The following TBC1D12 variants were observed in gnomAD, a reference collection of about 807,000 sequenced individuals.
TBC1D12 encodes TBC1 domain family, member 12.
Under a neutral mutation model 86.7 loss-of-function variants are expected in TBC1D12, and 56 were observed. The ratio of observed to expected loss-of-function variants is 0.65; its 90% confidence interval spans 0.52 to 0.81. The LOEUF (loss-of-function observed/expected upper bound fraction) is 0.81, where lower values mean the gene tolerates loss of function less well. TBC1D12 is among the 30% of genes least tolerant of loss of function. The pLI, the probability that TBC1D12 is intolerant of heterozygous loss-of-function variation, is 0.00. For synonymous variants in TBC1D12, 421 were observed against 411.7 expected (o/e 1.02, Z -0.27); for missense variants, 1,023 against 1,038.8 (o/e 0.98, Z 0.21).
chr10:94,429,382 T>TA (rs1473675552), intron 1 of TBC1D12, among the ~76,000 whole-genome samples: 6 of 152,174 alleles, frequency 3.9e-5, no homozygotes, highest in Non-Finnish European at 4.4e-5. Context: ...AAGCCTAAGT[T>TA]ATCTGGCAAA....
Position 94,444,824 on chromosome 10 carries a change from C to T in TBC1D12, c.1095+2805C>T, listed in dbSNP as rs530276023. On this transcript the variant is annotated intron_variant, in intron 2 of 12. Coordinates refer to ENST00000225235, the MANE Select transcript of TBC1D12 (RefSeq NM_015188.2). ...TCGGCTCACTGCAATCTCCGCCACC[C>T]GAGTTCACGCCGTTCTCCTGCCTCA... Among the ~76,000 whole-genome samples, 6 of 151,194 alleles carry T rather than the reference C, an allele frequency of 4.0e-5. No individual in the cohort carries two copies. In the South Asian group the frequency reaches 8.4e-4, roughly 21 times the overall value.
rs1460573697 is a variant in TBC1D12, at chr10:94,442,001, A to T, written c.1077A>T (p.Thr359=). The T allele has an allele frequency of 1.2e-6, 2 of 1,612,738 alleles. No homozygotes were observed. The highest frequency in any genetic ancestry group is 1.7e-6 in the Non-Finnish European group (2 of 1,179,524). The change falls in exon 2 of 13, where the codon ACA becomes ACT. Residue 359 remains threonine, a synonymous_variant. Transcript: ENST00000225235. The stretch of plus-strand genomic sequence containing the variant: ...CTCCTAGAGAGAATCTTCAGAAAAC[A>T]TCCAAAATCATTCAGCAGGTAAGTA... ...KVPPRENLQK[T]SKIIQQEYEA... is the part of the protein sequence containing the mutation.
chr10:94,479,997 C>G (rs1225229686), intron 3 of TBC1D12, among the ~76,000 whole-genome samples: 1 of 152,120 alleles, frequency 6.6e-6, no homozygotes, highest in Non-Finnish European at 1.5e-5. Flanking sequence ...GGCTTGGGGA[C>G]CCACTGGGCC....
intron 4 of TBC1D12, among the ~76,000 whole-genome samples, chr10:94,495,584 G>GA (rs1202396668): frequency 1.3e-5 from 2 of 152,176 alleles, no homozygotes; most frequent in East Asian, 3.8e-4. Flanking sequence ...TTGAACTGAG[G>GA]AATCAGAAGG....
chr10:94,448,355 T>C (rs2055500959), intron 2 of TBC1D12, among the ~76,000 whole-genome samples: 2 of 152,222 alleles, frequency 1.3e-5, no homozygotes, highest in Non-Finnish European at 2.9e-5. Flanking sequence ...GAAAAGTTTA[T>C]TGGTTTTAAT....
intron 6 of TBC1D12, among the ~76,000 whole-genome samples, chr10:94,501,770 A>C (rs2056400825): frequency 1.3e-5 from 2 of 150,472 alleles, no homozygotes; most frequent in African/African-American, 2.4e-5. Flanking sequence ...CTGGTCTCAA[A>C]CTCCTGGCCT....
chr10:94,473,986 G>A (rs2055949274), intron 2 of TBC1D12, among the ~76,000 whole-genome samples: 1 of 152,148 alleles, frequency 6.6e-6, no homozygotes, highest in Non-Finnish European at 1.5e-5. Context: ...TTAGCAAACT[G>A]TTGTTTAAAT....
intron 7 of TBC1D12, 66 bp from the exon 8 acceptor site, chr10:94,510,025 T>C: frequency 2.7e-6 from 3 of 1,093,826 alleles, no homozygotes; most frequent in Non-Finnish European, 4.1e-6. Context: ...GATCATTCTG[T>C]ATTTATAAAA....
At chr10:94,504,275 C>A (rs2056434565) in intron 6 of TBC1D12, among the ~76,000 whole-genome samples, 1 of 152,152 alleles carries the variant, frequency 6.6e-6, no homozygotes, top group African/African-American at 2.4e-5. Flanking sequence ...ATCTTGATAA[C>A]TTAGACATTA....
chr10:94,522,264 T>A (rs897302656), intron 10 of TBC1D12, 80 bp from the exon 11 acceptor site: 34 of 1,072,374 alleles, frequency 3.2e-5, no homozygotes, highest in Admixed American at 1.2e-4. Flanking sequence ...GAGCACGATT[T>A]CCTGTTAGTG....
At chr10:94,520,368 C>T (rs1181574454) in intron 9 of TBC1D12, among the ~76,000 whole-genome samples, 1 of 151,956 alleles carries the variant, frequency 6.6e-6, no homozygotes, top group African/African-American at 2.4e-5. Context: ...GCCTGACCAA[C>T]ATGGAGAAAC....
intron 9 of TBC1D12, among the ~76,000 whole-genome samples, chr10:94,518,141 T>C (rs1432803001): frequency 6.6e-6 from 1 of 151,952 alleles, no homozygotes; most frequent in African/African-American, 2.4e-5. Flanking sequence ...GTGATGGAGC[T>C]CTGTACTGCA....
In TBC1D12 at chr10:94,533,376, A is replaced by T. The variant is rs543878687; in HGVS notation, c.*280A>T. ...AATTTGGAGTAAACAAAATGCAATA[A>T]ATTTTTAAAATAGCTTTGAAGATAC... On this transcript the variant is annotated 3_prime_UTR_variant, in exon 13 of 13. Coordinates refer to ENST00000225235, the MANE Select transcript of TBC1D12 (RefSeq NM_015188.2). 1 of 242,992 alleles carries T rather than the reference A, an allele frequency of 4.1e-6. No individual in the cohort carries two copies. The highest frequency in any genetic ancestry group is 9.9e-5 in the East Asian group (1 of 10,088). The allele number at this position is 242,992 out of a possible 1,614,324, so 15.1% of individuals were successfully genotyped here.
intron 11 of TBC1D12, among the ~76,000 whole-genome samples, chr10:94,526,369 A>T (rs987797727): frequency 6.6e-6 from 1 of 151,968 alleles, no homozygotes; most frequent in African/African-American, 2.4e-5. Flanking sequence ...TAGGAGGCTC[A>T]AGTGAGCTGA....
chr10:94,463,305 T>C (rs2055757216), intron 2 of TBC1D12, among the ~76,000 whole-genome samples: 1 of 152,188 alleles, frequency 6.6e-6, no homozygotes, highest in Non-Finnish European at 1.5e-5. Context: ...TTCTTACAGT[T>C]ACAGAGGATG....
At chr10:94,532,999 G>T in intron 12 of TBC1D12, 29 bp from the exon 13 acceptor site, 3 of 1,318,090 alleles carry the variant, frequency 2.3e-6, no homozygotes, top group East Asian at 2.5e-5. Context: ...AGTTTTTGAG[G>T]ATTAATCTTT....
At chr10:94,496,596 C>G (rs1192828465) in intron 4 of TBC1D12, among the ~76,000 whole-genome samples, 3 of 152,084 alleles carry the variant, frequency 2.0e-5, no homozygotes, top group Non-Finnish European at 4.4e-5. Context: ...AATTTGACTT[C>G]ATAGATTTAG....
chr10:94,496,095 T>A (rs1344462787), intron 4 of TBC1D12, among the ~76,000 whole-genome samples: 1 of 151,926 alleles, frequency 6.6e-6, no homozygotes, highest in Non-Finnish European at 1.5e-5. Context: ...AGAGCGAGAC[T>A]CTGTTTCAAA....
At chr10:94,515,201 C>G (rs2056575892) in intron 9 of TBC1D12, among the ~76,000 whole-genome samples, 2 of 151,826 alleles carry the variant, frequency 1.3e-5, no homozygotes, top group Non-Finnish European at 2.9e-5. Context: ...GCCACCGCGC[C>G]CGGCCGCAAG....
Sources: gnomAD v4.1 joint callset for allele counts (sites outside exome capture counted in the v4.1 genomes callset) on GRCh38, gnomAD v4.1.1 for gene constraint, MANE v1.5 for transcripts, NCBI Gene and HGNC (gene_info 2026-07-23, HGNC 2026-07-21) for gene names.